RPS6KC1: variants seen among roughly 807,000 people sequenced by gnomAD.
The protein encoded by RPS6KC1 is ribosomal protein S6 kinase C1, also known as inactive ribosomal protein S6 kinase delta-1.
In RPS6KC1, 54 loss-of-function variants were observed where a neutral mutation model predicts 103.8. That is an observed-to-expected ratio of 0.52 (90% CI 0.42 to 0.65). The LOEUF (loss-of-function observed/expected upper bound fraction) is 0.65, where lower values mean the gene tolerates loss of function less well. Ranked by LOEUF, RPS6KC1 falls within the 30% of genes least tolerant of loss-of-function variation. The pLI is 0.00. For synonymous variants in RPS6KC1, 439 were observed against 438.7 expected (o/e 1.00, Z -0.01); for missense variants, 1,151 against 1,253.8 (o/e 0.92, Z 1.24).
intron 8 of RPS6KC1, among the ~76,000 whole-genome samples, chr1:213,213,949 G>A (rs982845449): frequency 9.2e-5 from 14 of 152,196 alleles, no homozygotes; most frequent in African/African-American, 3.4e-4. Context: ...CCCAGCATGA[G>A]CGACGCGGAA....
the RPS6KC1 span, among the ~76,000 whole-genome samples, chr1:213,487,174 G>T: frequency 0.45 from 68,835 of 152,040 alleles, 16,299 homozygotes; most frequent in East Asian, 0.72. Flanking sequence ...AGGCCAAGGC[G>T]GGTAGATCAC....
At chr1:213,270,105 A>G (rs73088017) in intron 14 of RPS6KC1, among the ~76,000 whole-genome samples, 5,361 of 152,198 alleles carry the variant, frequency 0.035, 284 homozygotes, top group African/African-American at 0.12. Flanking sequence ...GTCCAAAACA[A>G]TTTTGCAAGA....
At chr1:213,509,992 A>G in the RPS6KC1 span, among the ~76,000 whole-genome samples, 1 of 152,214 alleles carries the variant, frequency 6.6e-6, no homozygotes, top group Non-Finnish European at 1.5e-5. Context: ...ATCTGGGCAG[A>G]CTGATTCTCA....
intron 6 of RPS6KC1, among the ~76,000 whole-genome samples, chr1:213,142,438 T>C (rs1259780615): frequency 2.0e-5 from 3 of 152,228 alleles, no homozygotes; most frequent in Non-Finnish European, 4.4e-5. Flanking sequence ...ACACTCTGGC[T>C]CCTAGAGTTG....
intron 2 of RPS6KC1, among the ~76,000 whole-genome samples, chr1:213,077,092 A>G (rs1463937513): frequency 1.3e-5 from 2 of 151,138 alleles, no homozygotes; most frequent in East Asian, 1.9e-4. Context: ...CTGGTCTTGA[A>G]CTCCTGAGCT....
At chr1:213,258,545 T>C (rs575123774) in intron 12 of RPS6KC1, among the ~76,000 whole-genome samples, 1 of 152,314 alleles carries the variant, frequency 6.6e-6, no homozygotes, top group Non-Finnish European at 1.5e-5. Context: ...CAGTGCCTAA[T>C]TTGTGCTGCT....
chr1:213,263,703 G>T (rs940346130), intron 14 of RPS6KC1, among the ~76,000 whole-genome samples: 2 of 152,124 alleles, frequency 1.3e-5, no homozygotes, highest in African/African-American at 4.8e-5. Context: ...GAGTGATTTT[G>T]CTTTCATTCA....
chr1:213,121,507 TC>T (rs1403769504), intron 5 of RPS6KC1, among the ~76,000 whole-genome samples: 1 of 152,234 alleles, frequency 6.6e-6, no homozygotes, highest in African/African-American at 2.4e-5. Flanking sequence ...ACATCTTATT[TC>T]TATTATGTCT....
rs12029265 is a variant in RPS6KC1, at chr1:213,202,005, C to T, written c.1044+25513C>T. On this transcript the variant is annotated intron_variant, in intron 8 of 14. Coordinates refer to ENST00000366960, the MANE Select transcript of RPS6KC1 (RefSeq NM_012424.6). ...GTCTTAGGATTACATATTATGTGTA[C>T]ACCATGCAGAATTCTAAGCTCTCTA... is the stretch of plus-strand genomic sequence containing the variant. Among the ~76,000 whole-genome samples, 1,320 of 152,164 alleles carry T rather than the reference C, an allele frequency of 8.7e-3. 113 individuals are homozygous for T. In the East Asian group the frequency reaches 0.19, roughly 22 times the overall value.
intron 4 of RPS6KC1, among the ~76,000 whole-genome samples, chr1:213,109,435 C>T (rs530576768): frequency 1.7e-4 from 26 of 152,350 alleles, no homozygotes; most frequent in Non-Finnish European, 3.8e-4. Context: ...CCGTGCCCGG[C>T]CCGATATTCT....
chr1:213,199,327 G>A (rs1269313914), intron 8 of RPS6KC1, among the ~76,000 whole-genome samples: 2 of 152,122 alleles, frequency 1.3e-5, no homozygotes, highest in Non-Finnish European at 2.9e-5. Context: ...GGGATATAAG[G>A]TTGGTTCAAC....
At chr1:213,611,276 G>A in the RPS6KC1 span, among the ~76,000 whole-genome samples, 2 of 152,178 alleles carry the variant, frequency 1.3e-5, no homozygotes, top group Middle Eastern at 3.4e-3. Context: ...CCATCTGCTT[G>A]GAAATTTGAG....
the RPS6KC1 span, among the ~76,000 whole-genome samples, chr1:213,730,308 A>G: frequency 6.6e-6 from 1 of 152,226 alleles, no homozygotes; most frequent in African/African-American, 2.4e-5. Flanking sequence ...TTGCTGGGTC[A>G]AATGGTAGTT....
chr1:213,738,296 A>G, the RPS6KC1 span, among the ~76,000 whole-genome samples: 1 of 152,200 alleles, frequency 6.6e-6, no homozygotes, highest in Non-Finnish European at 1.5e-5. Context: ...ACAGATGCAT[A>G]TTCTCCAAGA....
chr1:213,053,562 G>A (rs1020509804), intron 1 of RPS6KC1, among the ~76,000 whole-genome samples: 14 of 152,190 alleles, frequency 9.2e-5, no homozygotes, highest in African/African-American at 3.4e-4. Flanking sequence ...ACTTAAGTGT[G>A]ATATAACACA....
intron 8 of RPS6KC1, among the ~76,000 whole-genome samples, chr1:213,189,696 A>T (rs1558505066): frequency 2.6e-5 from 4 of 152,102 alleles, no homozygotes; most frequent in Admixed American, 2.6e-4. Flanking sequence ...TCTGCAATTA[A>T]GTTGTTATTG....
At chr1:213,592,441 G>A in the RPS6KC1 span, among the ~76,000 whole-genome samples, 1 of 152,056 alleles carries the variant, frequency 6.6e-6, no homozygotes, top group Non-Finnish European at 1.5e-5. Context: ...GAAAAATCAG[G>A]GGTTCAGATG....
intron 4 of RPS6KC1, among the ~76,000 whole-genome samples, 192 bp from the exon 5 acceptor site, chr1:213,117,125 G>A (rs889116613): frequency 2.6e-5 from 4 of 152,118 alleles, no homozygotes; most frequent in Non-Finnish European, 5.9e-5. Context: ...TCTTGGGTTG[G>A]TGTAGTACGT....
chr1:213,580,452 C>G, the RPS6KC1 span, among the ~76,000 whole-genome samples: 21,826 of 152,014 alleles, frequency 0.14, 1,784 homozygotes, highest in Non-Finnish European at 0.17. Context: ...GGTAACAAAG[C>G]ATTTAGAATA....
Sources: gnomAD v4.1 joint callset for allele counts (sites outside exome capture counted in the v4.1 genomes callset) on GRCh38, gnomAD v4.1.1 for gene constraint, MANE v1.5 for transcripts, NCBI Gene and HGNC (gene_info 2026-07-23, HGNC 2026-07-21) for gene names.